Variants in TRPA1 observed in about 807,000 individuals in gnomAD.
TRPA1 encodes the protein transient receptor potential cation channel subfamily A member 1.
Under a neutral mutation model 131.3 loss-of-function variants are expected in TRPA1, and 129 were observed. That is an observed-to-expected ratio of 0.98 (90% CI 0.85 to 1.14). TRPA1 has a LOEUF of 1.14. Ranked by LOEUF, TRPA1 falls within the 50% of genes most tolerant of loss-of-function variation. The pLI is 0.00. For missense variants in TRPA1, 1,304 were observed against 1,354.2 expected (o/e 0.96, Z 0.58); for synonymous variants, 441 against 451.7 (o/e 0.98, Z 0.30).
upstream of TRPA1, among the ~76,000 whole-genome samples, chr8:72,079,907 T>C (rs1470004751): frequency 3.3e-5 from 5 of 151,964 alleles, no homozygotes; most frequent in African/African-American, 4.8e-5. Context: ...AGGATTTTAT[T>C]AATTTTAAGC....
At chr8:72,078,931 CT>C (rs1448951518), upstream of TRPA1, among the ~76,000 whole-genome samples, 7 of 151,926 alleles carry the variant, frequency 4.6e-5, no homozygotes, top group Non-Finnish European at 2.9e-5. Context: ...TATTGTCAAT[CT>C]TTTTTTATTA....
intron 24 of TRPA1, among the ~76,000 whole-genome samples, chr8:72,026,791 G>A (rs966815548): frequency 1.3e-5 from 2 of 151,862 alleles, no homozygotes; most frequent in Non-Finnish European, 2.9e-5. Context: ...TATGTTTACT[G>A]TAACTACTTG....
chr8:72,038,784 A>G, intron 19 of TRPA1, 81 bp downstream of exon 19: 1 of 1,226,942 alleles, frequency 8.2e-7, no homozygotes. Flanking sequence ...GATATGTCAG[A>G]TTTATTATGG....
intron 17 of TRPA1, among the ~76,000 whole-genome samples, chr8:72,045,254 C>T (rs1812388511): frequency 6.6e-6 from 1 of 151,822 alleles, no homozygotes; most frequent in Admixed American, 6.6e-5. Context: ...TCCAAGTGCT[C>T]AGTAAGCCTT....
rs552720728 is a variant in TRPA1, at chr8:72,022,286, A to G, written c.*620T>C. ...ATCTATAGTAAAATTCGTGCATATC[A>G]TAAGGCCTATTAATTTGTACTTCAA... On this transcript the variant is annotated 3_prime_UTR_variant, in exon 27 of 27. Transcript: ENST00000262209. The G allele has an allele frequency of 6.2e-6, 1 of 160,176 alleles. No individual in the cohort carries two copies. Among genetic ancestry groups the G allele is most frequent in the East Asian group, 1.8e-4 (1 of 5,528 alleles). The allele number at this position is 160,176 out of a possible 1,614,324, so 9.9% of individuals were successfully genotyped here. A position where few individuals can be genotyped will look rare whatever the true frequency, so the allele number is the denominator to read the frequency against.
chr8:72,047,771 C>A (rs1259168768), intron 15 of TRPA1, among the ~76,000 whole-genome samples: 1 of 151,978 alleles, frequency 6.6e-6, no homozygotes, highest in East Asian at 1.9e-4. Context: ...CACTTGGATC[C>A]CATCCTTATG....
intron 15 of TRPA1, among the ~76,000 whole-genome samples, chr8:72,048,861 C>T (rs567118573): frequency 4.6e-4 from 70 of 152,154 alleles, no homozygotes; most frequent in African/African-American, 1.4e-3. Context: ...GGTATAATTT[C>T]GACTGTTTAC....
At chr8:72,075,151 T>C (rs1398376683) in intron 1 of TRPA1, 148 bp downstream of exon 1, 1 of 672,750 alleles carries the variant, frequency 1.5e-6, no homozygotes, top group Non-Finnish European at 2.7e-6. Context: ...GGCGCGTCAT[T>C]AGTAGGGTCA....
At chr8:72,065,330 T>C (rs1302284245) in intron 4 of TRPA1, 121 bp downstream of exon 4, 13 of 927,670 alleles carry the variant, frequency 1.4e-5, no homozygotes, top group Non-Finnish European at 1.8e-5. Flanking sequence ...TTTCCTGACC[T>C]AGTTTTTGTA....
upstream of TRPA1, among the ~76,000 whole-genome samples, chr8:72,078,203 T>C (rs1325929098): frequency 6.6e-6 from 1 of 152,064 alleles, no homozygotes. Flanking sequence ...GATATGTTAT[T>C]AATGAAAAGG....
intron 23 of TRPA1, among the ~76,000 whole-genome samples, chr8:72,030,239 C>T (rs958548943): frequency 9.2e-5 from 14 of 152,144 alleles, no homozygotes; most frequent in African/African-American, 3.1e-4. Context: ...AGCTAATAAG[C>T]TCCCTCATAG....
At chr8:72,056,603 C>A (rs1805673235) in intron 10 of TRPA1, among the ~76,000 whole-genome samples, 1 of 151,956 alleles carries the variant, frequency 6.6e-6, no homozygotes, top group South Asian at 2.1e-4. Context: ...CACTGATATG[C>A]AAATCATAAT....
intron 25 of TRPA1, among the ~76,000 whole-genome samples, chr8:72,025,407 C>T (rs1050411761): frequency 2.6e-5 from 4 of 152,086 alleles, no homozygotes; most frequent in African/African-American, 9.7e-5. Flanking sequence ...TTGCAAGTTT[C>T]CTGAGGCCTC....
chr8:72,085,961 T>C, the TRPA1 span, among the ~76,000 whole-genome samples: 92 of 152,272 alleles, frequency 6.0e-4, no homozygotes, highest in African/African-American at 2.1e-3. Flanking sequence ...AGTGCAATGG[T>C]GTGATCTTGG....
chr8:72,029,076 C>T (rs1811710538), intron 24 of TRPA1, among the ~76,000 whole-genome samples: 1 of 152,142 alleles, frequency 6.6e-6, no homozygotes, highest in Non-Finnish European at 1.5e-5. Context: ...AGGAAGGCAC[C>T]TCACAAGATT....
chr8:72,069,101 TG>T lies in TRPA1; in HGVS notation c.365del (p.Ala122GlufsTer10). On this transcript the variant is annotated frameshift_variant, in exon 3 of 27. Coordinates refer to ENST00000262209, the MANE Select transcript of TRPA1 (RefSeq NM_007332.3). LOFTEE classifies it high-confidence loss of function. The part of the protein sequence containing the change: ...ESVKFLLSRG[A>X]NPNLRNFNMM... ...TGTTGAAGTTTCGGAGATTTGGGTT[TG>T]CTCCTCTGCTGAGAAGAAACTTAAC... The T allele has an allele frequency of 6.2e-7, 1 of 1,614,218 alleles. No homozygotes were observed. Among genetic ancestry groups the T allele is most frequent in the South Asian group, 1.1e-5 (1 of 91,082 alleles).
intron 10 of TRPA1, chr8:72,056,101 G>A: frequency 1.8e-6 from 1 of 543,178 alleles, no homozygotes; most frequent in Non-Finnish European, 3.3e-6. Flanking sequence ...GAGAGATCAT[G>A]CCAATAGGAA....
rs1480215458 is a variant in TRPA1 at position 72,022,706 on chromosome 8, G to C, written c.*200C>G. The C allele has an allele frequency of 3.1e-6, 2 of 637,076 alleles. No individual in the cohort carries two copies. The highest frequency in any genetic ancestry group is 5.6e-6 in the Non-Finnish European group (2 of 356,124). 39.5% of individuals were successfully genotyped at this position (637,076 alleles called of 1,614,324 possible). On this transcript the variant is annotated 3_prime_UTR_variant, in exon 27 of 27. Coordinates refer to ENST00000262209, the MANE Select transcript of TRPA1 (RefSeq NM_007332.3). ...AGTCCAATTTGAACATATCTGCAAA[G>C]ATATCCCCAATACATAGTGATTGGT...
chr8:72,027,726 C>T (rs1811657322), intron 24 of TRPA1, among the ~76,000 whole-genome samples: 1 of 152,152 alleles, frequency 6.6e-6, no homozygotes, highest in Non-Finnish European at 1.5e-5. Flanking sequence ...ACAGTTCTGC[C>T]ATGGGCTCAG....
Sources: gnomAD v4.1 joint callset for allele counts (sites outside exome capture counted in the v4.1 genomes callset) on GRCh38, gnomAD v4.1.1 for gene constraint, MANE v1.5 for transcripts, NCBI Gene and HGNC (gene_info 2026-07-23, HGNC 2026-07-21) for gene names.